The following FBLN7 variants were observed in gnomAD, a reference collection of about 807,000 sequenced individuals.
The protein encoded by FBLN7 is fibulin-7.
A neutral mutation model predicts 44.0 loss-of-function variants in FBLN7; 31 were observed. That is an observed-to-expected ratio of 0.70 (90% CI 0.53 to 0.95). The LOEUF (loss-of-function observed/expected upper bound fraction) is 0.95. FBLN7 is among the 40% of genes least tolerant of loss of function. The pLI is 0.00. For missense variants in FBLN7, 573 were observed against 618.5 expected, an observed-to-expected ratio of 0.93 and a Z score of 0.78; for synonymous variants, 262 against 253.4, an observed-to-expected ratio of 1.03 and a Z score of -0.32.
At chr2:112,206,896 C>A in the FBLN7 span, among the ~76,000 whole-genome samples, 2 of 151,646 alleles carry the variant, frequency 1.3e-5, no homozygotes, top group Non-Finnish European at 2.9e-5. Flanking sequence ...CCATGCCTGG[C>A]AGATTAAAAA....
chr2:112,167,132 G>C (rs565531584), intron 3 of FBLN7, among the ~76,000 whole-genome samples: 1 of 152,340 alleles, frequency 6.6e-6, no homozygotes. Flanking sequence ...TGTGTGTGCT[G>C]TTTTTTCTTG....
chr2:112,184,935 G>A (rs1177362223), intron 6 of FBLN7, among the ~76,000 whole-genome samples: 1 of 151,694 alleles, frequency 6.6e-6, no homozygotes, highest in African/African-American at 2.4e-5. Context: ...ATTGTGACCA[G>A]TAACACTCAC....
the FBLN7 span, among the ~76,000 whole-genome samples, chr2:112,204,129 T>TA: frequency 1.3e-5 from 2 of 151,940 alleles, no homozygotes; most frequent in East Asian, 1.9e-4. Context: ...AGAAACTTTT[T>TA]AAAAAAACAA....
intron 3 of FBLN7, among the ~76,000 whole-genome samples, chr2:112,166,581 C>T (rs1682170736): frequency 6.6e-6 from 1 of 151,964 alleles, no homozygotes; most frequent in South Asian, 2.1e-4. Flanking sequence ...AGTCATGTAA[C>T]ATGCGAACAA....
chr2:112,215,145 T>G, the FBLN7 span: 1 of 152,170 alleles, frequency 6.6e-6, no homozygotes, highest in East Asian at 1.9e-4. Context: ...AGTATAAGAT[T>G]AACTACAAGT....
chr2:112,182,696 C>A, intron 5 of FBLN7, 95 bp from the exon 6 acceptor site: 1 of 1,457,924 alleles, frequency 6.9e-7, no homozygotes, highest in Non-Finnish European at 9.1e-7. Flanking sequence ...GCAGCTGCCA[C>A]TGCCTCCAGG....
intron 2 of FBLN7, among the ~76,000 whole-genome samples, chr2:112,160,709 CACACAA>C (rs1681742312): frequency 6.7e-6 from 1 of 150,374 alleles, no homozygotes; most frequent in African/African-American, 2.4e-5. Context: ...CGCACGCACA[CACACAA>C]GCACGCGCAC....
chr2:112,172,882 C>T (rs1351063576), intron 3 of FBLN7, among the ~76,000 whole-genome samples: 3 of 152,136 alleles, frequency 2.0e-5, no homozygotes, highest in Non-Finnish European at 4.4e-5. Context: ...GATCCACCCG[C>T]CTCAACCTCC....
intron 1 of FBLN7, among the ~76,000 whole-genome samples, chr2:112,154,810 T>C (rs1329346167): frequency 6.6e-6 from 1 of 152,162 alleles, no homozygotes; most frequent in Non-Finnish European, 1.5e-5. Flanking sequence ...CAACTGTGGC[T>C]GTGGGCAAGG....
the FBLN7 span, chr2:112,212,965 C>CCTTTTTTTTTTTTTTTTTTTTT: frequency 1.2e-5 from 1 of 84,918 alleles, no homozygotes; most frequent in Non-Finnish European, 2.3e-5. Flanking sequence ...AGAAGAAATG[C>CCTTTTTTTTTTTTTTTTTTTTT]TTTTTTTTTT....
At chr2:112,160,738 GCACACACGCGCA>G (rs1558879918) in intron 2 of FBLN7, among the ~76,000 whole-genome samples, 87 of 135,348 alleles carry the variant, frequency 6.4e-4, no homozygotes, top group African/African-American at 2.1e-3. Context: ...GCACGCACAC[GCACACACGCGCA>G]CGCACACACG....
chr2:112,175,254 G>T (rs1682680253), intron 3 of FBLN7, among the ~76,000 whole-genome samples: 1 of 152,206 alleles, frequency 6.6e-6, no homozygotes, highest in Non-Finnish European at 1.5e-5. Flanking sequence ...ACTGAATTTT[G>T]TTCCTGTTTA....
At chr2:112,204,456 G>A in the FBLN7 span, among the ~76,000 whole-genome samples, 3 of 151,942 alleles carry the variant, frequency 2.0e-5, no homozygotes, top group African/African-American at 4.8e-5. Context: ...ATGCACATCC[G>A]AGAAGCTAAA....
the FBLN7 span, among the ~76,000 whole-genome samples, chr2:112,218,189 G>A: frequency 6.6e-6 from 1 of 152,070 alleles, no homozygotes; most frequent in Non-Finnish European, 1.5e-5. Flanking sequence ...CATTCTCTAG[G>A]CATAATATTG....
At chr2:112,223,220 C>A in the FBLN7 span, among the ~76,000 whole-genome samples, 1 of 151,406 alleles carries the variant, frequency 6.6e-6, no homozygotes, top group Non-Finnish European at 1.5e-5. Flanking sequence ...AACAAACCTG[C>A]ACGTTGTGCA....
chr2:112,203,148 G>A, the FBLN7 span, among the ~76,000 whole-genome samples: 5 of 152,218 alleles, frequency 3.3e-5, no homozygotes, highest in Non-Finnish European at 7.3e-5. Context: ...GTGCAGGGAT[G>A]AGAACATGCC....
At chr2:112,168,758 G>A (rs149500500) in intron 3 of FBLN7, among the ~76,000 whole-genome samples, 3 of 152,310 alleles carry the variant, frequency 2.0e-5, no homozygotes, top group South Asian at 4.1e-4. Context: ...ACCACCAGTC[G>A]TGTGGTTGCC....
At chr2:112,202,949 TTG>T in the FBLN7 span, among the ~76,000 whole-genome samples, 1 of 152,218 alleles carries the variant, frequency 6.6e-6, no homozygotes, top group South Asian at 2.1e-4. Flanking sequence ...GCCTTACCAT[TTG>T]TCAAAAACAA....
At chr2:112,178,268 AC>A (rs936164259) in intron 4 of FBLN7, among the ~76,000 whole-genome samples, 37 of 149,782 alleles carry the variant, frequency 2.5e-4, no homozygotes, top group East Asian at 1.4e-3. Flanking sequence ...AAAAAAAAAA[AC>A]CAAAAGAAAA....
Sources: gnomAD v4.1 joint callset for allele counts (sites outside exome capture counted in the v4.1 genomes callset) on GRCh38, gnomAD v4.1.1 for gene constraint, MANE v1.5 for transcripts, NCBI Gene and HGNC (gene_info 2026-07-23, HGNC 2026-07-21) for gene names.